SOX9: variants seen among roughly 807,000 people sequenced by gnomAD.
SOX9 encodes the protein transcription factor SOX-9.
Under a neutral mutation model 44.8 loss-of-function variants are expected in SOX9, and 2 were observed. The ratio of observed to expected loss-of-function variants is 0.04; its 90% CI spans 0.02 to 0.14. SOX9 has a LOEUF of 0.14. Ranked by LOEUF, SOX9 falls within the 10% of genes least tolerant of loss-of-function variation. The pLI is 1.00. For missense variants in SOX9, 583 were observed against 728.6 expected (o/e 0.80, Z 2.30); for synonymous variants, 381 against 331.8 (o/e 1.15, Z -1.61).
Position 72,122,958 on chromosome 17 carries a change from C to T in SOX9, c.671C>T (p.Pro224Leu), listed in dbSNP as rs1262569164. The change falls in exon 2 of 3, where the codon CCC becomes CTC. Residue 224 changes from proline (P) to leucine (L), a missense_variant. Pro to Leu is a moderately conservative substitution (Grantham distance 98, BLOSUM62 -3). Around this residue, in one of 7 missense-constraint regions of SOX9, gnomAD observed 88 missense variants for 65.5 expected, o/e 1.34. Coordinates refer to ENST00000245479, the MANE Select transcript of SOX9 (RefSeq NM_000346.4). ...TCCGGCATGAGCGAGGTGCACTCCC[C>T]CGGCGAGCACTCGGGTGAGTCGCCC... ...SSSGMSEVHSPGEHSGQSQGP... is the reference protein window; with the variant it reads ...SSSGMSEVHSLGEHSGQSQGP... 1.2e-6 allele frequency: 2 copies of T among 1,613,510 alleles called. No individual in the cohort carries two copies. The highest frequency in any genetic ancestry group is 1.7e-6 in the Non-Finnish European group (2 of 1,179,960).
At position 72,121,531 on chromosome 17, in the gene SOX9, G is replaced by T. The variant is rs752124347; in HGVS notation, c.140G>T (p.Arg47Leu). 30 of 1,608,556 alleles carry T rather than the reference G, an allele frequency of 1.9e-5. No individual in the cohort carries two copies. Among genetic ancestry groups the T allele is most frequent in the Non-Finnish European group, 2.2e-5 (26 of 1,178,228 alleles). The change falls in exon 1 of 3, where the codon CGG becomes CTG. Residue 47 changes from arginine to leucine, a missense_variant. Arg to Leu is a moderately radical substitution (Grantham distance 102). Coordinates refer to ENST00000245479, the MANE Select transcript of SOX9 (RefSeq NM_000346.4). This position sits in a 1 kb window ranked among gnomAD's most constrained non-coding sequence, Gnocchi z 8.3. ...SGSGSDTENT[R>L]PQENTFPKGE... ...TCCGGCTCGGACACCGAGAACACGC[G>T]GCCCCAGGAGAACACGTTCCCCAAG...
rs1433068827 is a variant in SOX9, at chr17:72,123,462, G to A, written c.686-81G>A. 58 of 1,585,998 alleles carry A rather than the reference G, an allele frequency of 3.7e-5. No individual in the cohort carries two copies. The highest frequency in any genetic ancestry group is 1.0e-4 in the South Asian group (9 of 90,446). On this transcript the variant is annotated intron_variant, in intron 2 of 2. Transcript: ENST00000245479. This position sits in a 1 kb window ranked among gnomAD's most constrained non-coding sequence, Gnocchi z 6.5. The stretch of plus-strand genomic sequence containing the variant: ...TTATTACACTTTAGCAGCGAGGGAG[G>A]GTCCCCGGAGGGTGCCTAAGACTAG...
At position 72,123,870 on chromosome 17, in the gene SOX9, AGCAGCAGGCGCCGCCGCCACCCCC is replaced by A; in HGVS notation, c.1021_1044del (p.Ala341_Gln348del). On this transcript the variant is annotated inframe_deletion, in exon 3 of 3. Coordinates refer to ENST00000245479, the MANE Select transcript of SOX9 (RefSeq NM_000346.4). The surrounding 1 kb of genome is among the most constrained non-coding windows in gnomAD (Gnocchi z 6.5). ...AGCGCGGGCCACGTGTGGATGTCCAAGCAGCAGGCGCCGCCGCCACCCCCGCAGCAGCCCCCACAGGCCCCGCCG... is the reference window on the plus strand; with the variant it reads ...AGCGCGGGCCACGTGTGGATGTCCAAGCAGCAGCCCCCACAGGCCCCGCCG... 6.5e-7 allele frequency: 1 copy of A among 1,544,592 alleles called. No homozygotes were observed.
At position 72,124,599 on chromosome 17, in the gene SOX9, G is replaced by A. The variant is rs1316012358; in HGVS notation, c.*212G>A. On this transcript the variant is annotated 3_prime_UTR_variant, in exon 3 of 3. Coordinates refer to ENST00000245479, the MANE Select transcript of SOX9 (RefSeq NM_000346.4). The surrounding 1 kb of genome is among the most constrained non-coding windows in gnomAD (Gnocchi z 4.6). ...AGACACAAACATGACCTATCCAAGC[G>A]CATTACCCACTTGTGGCCAATCAGT... 9.1e-6 allele frequency: 6 copies of A among 655,862 alleles called. No homozygotes were observed. The highest frequency in any genetic ancestry group is 1.6e-5 in the Non-Finnish European group (6 of 376,496). 40.6% of individuals were successfully genotyped at this position (655,862 alleles called of 1,614,324 possible).
At position 72,121,867 on chromosome 17, in the gene SOX9, G is replaced by T. The variant is rs1908105891; in HGVS notation, c.431+45G>T. 1.3e-6 allele frequency: 2 copies of T among 1,497,892 alleles called. No homozygotes were observed. The highest frequency in any genetic ancestry group is 1.4e-5 in the African/African-American group (1 of 71,778). 92.8% of individuals were successfully genotyped at this position (1,497,892 alleles called of 1,614,324 possible). A position where few individuals can be genotyped will look rare whatever the true frequency, so the allele number is the denominator to read the frequency against. Reference sequence around the variant, plus strand: ...GCGCGGCAGGGTGGGCATCGCGGCGGCTGGGGGCGCTGGTCAGGGCTGATT... The same window carrying T: ...GCGCGGCAGGGTGGGCATCGCGGCGTCTGGGGGCGCTGGTCAGGGCTGATT... On this transcript the variant is annotated intron_variant, in intron 1 of 2. Transcript: ENST00000245479. This position sits in a 1 kb window ranked among gnomAD's most constrained non-coding sequence, Gnocchi z 8.3.
rs567372129 is a variant in SOX9 at position 72,124,853 on chromosome 17, T to G, written c.*466T>G. 3.7e-6 allele frequency: 1 copy of G among 271,728 alleles called. No homozygotes were observed. The highest frequency in any genetic ancestry group is 2.2e-5 in the African/African-American group (1 of 46,318). 16.8% of individuals were successfully genotyped at this position (271,728 alleles called of 1,614,324 possible). ...TATTTTTAGTATGTACTGTGTATGA[T>G]TCATTACCATTTTGAGGGGATTTAT... On this transcript the variant is annotated 3_prime_UTR_variant, in exon 3 of 3. Transcript: ENST00000245479. The surrounding 1 kb of genome is among the most constrained non-coding windows in gnomAD (Gnocchi z 4.6).
rs1209520011 is a variant in SOX9, at chr17:72,121,961, G to A, written c.431+139G>A. On this transcript the variant is annotated intron_variant, in intron 1 of 2. Transcript: ENST00000245479. The surrounding 1 kb of genome is among the most constrained non-coding windows in gnomAD (Gnocchi z 8.3). ...AGCCGGCGGGATGGGGTTGGGAGTGGGAATGGGGTGTAACTGTGGCTCAGA... is the reference window on the plus strand; with the variant it reads ...AGCCGGCGGGATGGGGTTGGGAGTGAGAATGGGGTGTAACTGTGGCTCAGA... The A allele has an allele frequency of 1.9e-6, 2 of 1,060,492 alleles. No homozygotes were observed. The highest frequency in any genetic ancestry group is 2.6e-6 in the Non-Finnish European group (2 of 756,412). The allele number at this position is 1,060,492 out of a possible 1,614,324, so 65.7% of individuals were successfully genotyped here. A position where few individuals can be genotyped will look rare whatever the true frequency, so the allele number is the denominator to read the frequency against.
In SOX9 at chr17:72,123,707, T is replaced by C; in HGVS notation, c.850T>C (p.Ser284Pro). Reference sequence around the variant, plus strand: ...CGGCGAGCTGAGCAGCGACGTCATCTCCAACATCGAGACCTTCGATGTCAA... The same window carrying C: ...CGGCGAGCTGAGCAGCGACGTCATCCCCAACATCGAGACCTTCGATGTCAA... Reference protein sequence around the residue: ...DIGELSSDVISNIETFDVNEF... With the variant: ...DIGELSSDVIPNIETFDVNEF... Residue 284 changes from serine (S) to proline (P), a missense_variant, in exon 3 of 3, where the codon TCC (serine) becomes CCC (proline). This residue lies in a region of SOX9 where 349 missense variants were observed against 387.0 expected (regional missense o/e 0.90). Transcript: ENST00000245479. This position sits in a 1 kb window ranked among gnomAD's most constrained non-coding sequence, Gnocchi z 6.5. The C allele has an allele frequency of 2.5e-6, 4 of 1,613,842 alleles. No individual in the cohort carries two copies. The highest frequency in any genetic ancestry group is 3.4e-6 in the Non-Finnish European group (4 of 1,179,938).
rs2143258654 is a variant in SOX9, at chr17:72,124,335, A to G, written c.1478A>G (p.His493Arg). 1 of 1,602,562 alleles carries G rather than the reference A, an allele frequency of 6.2e-7. No individual in the cohort carries two copies. The highest frequency in any genetic ancestry group is 2.2e-5 in the East Asian group (1 of 44,844). Residue 493 changes from histidine to arginine, a missense_variant, in exon 3 of 3, where the codon CAC (histidine) becomes CGC (arginine). Transcript: ENST00000245479. This position sits in a 1 kb window ranked among gnomAD's most constrained non-coding sequence, Gnocchi z 4.6. The part of the protein sequence containing the change: ...TSGVPSIPQT[H>R]SPQHWEQPVY... Reference sequence around the variant, plus strand: ...GGGGTCCCTTCCATCCCGCAGACCCACAGCCCCCAGCACTGGGAACAACCC... The same window carrying G: ...GGGGTCCCTTCCATCCCGCAGACCCGCAGCCCCCAGCACTGGGAACAACCC...
Position 72,125,640 on chromosome 17 carries a change from T to TATG in SOX9, c.*1254_*1256dup, listed in dbSNP as rs139942297. On this transcript the variant is annotated 3_prime_UTR_variant, in exon 3 of 3. Transcript: ENST00000245479. ...AGGGTATGGTCATCTGTTGTTAAATTATGTTCTTAACTGTAACCAGTTTTT... is the reference window on the plus strand; with the variant it reads ...AGGGTATGGTCATCTGTTGTTAAATTATGATGTTCTTAACTGTAACCAGTTTTT... 28 of 228,370 alleles carry TATG rather than the reference T, an allele frequency of 1.2e-4. No individual in the cohort carries two copies. The East Asian group carries it at 1.7e-3, about 14-fold the overall frequency. 14.1% of individuals were successfully genotyped at this position (228,370 alleles called of 1,614,324 possible).
In SOX9 at chr17:72,124,305, C is replaced by A. The variant is rs769297621; in HGVS notation, c.1448C>A (p.Thr483Asn). ...QRPMYTPIAD[T>N]SGVPSIPQTH... ...CCCATGTACACCCCCATCGCCGACA[C>A]CTCTGGGGTCCCTTCCATCCCGCAG... The change falls in exon 3 of 3, where the codon ACC becomes AAC. Residue 483 changes from threonine (T) to asparagine (N), a missense_variant. Transcript: ENST00000245479. This position sits in a 1 kb window ranked among gnomAD's most constrained non-coding sequence, Gnocchi z 4.6. The A allele has an allele frequency of 6.2e-7, 1 of 1,607,428 alleles. No homozygotes were observed. The highest frequency in any genetic ancestry group is 8.5e-7 in the Non-Finnish European group (1 of 1,179,966).
In SOX9 at chr17:72,121,255, C is replaced by G. The variant is rs1908077087; in HGVS notation, c.-137C>G. 3.9e-6 allele frequency: 3 copies of G among 776,544 alleles called. No individual in the cohort carries two copies. The highest frequency in any genetic ancestry group is 3.7e-4 in the Middle Eastern group (1 of 2,694). 48.1% of individuals were successfully genotyped at this position (776,544 alleles called of 1,614,324 possible). A position where few individuals can be genotyped will look rare whatever the true frequency, so the allele number is the denominator to read the frequency against. ...CCTAAGTGCTCGCCGCGGTAGCCGG[C>G]CGACGCGCCAGCTTCCCCGGGAGCC... On this transcript the variant is annotated 5_prime_UTR_variant, in exon 1 of 3. Transcript: ENST00000245479. This position sits in a 1 kb window ranked among gnomAD's most constrained non-coding sequence, Gnocchi z 8.3.
chr17:72,123,080 G>T lies in SOX9; in HGVS notation c.685+108G>T. On this transcript the variant is annotated intron_variant, in intron 2 of 2. Transcript: ENST00000245479. The surrounding 1 kb of genome is among the most constrained non-coding windows in gnomAD (Gnocchi z 6.5). ...GTGGGGACTTTATGCTTCCCGGGAG[G>T]GACACACTGCCCTTTGCGCCCGTCC... The T allele has an allele frequency of 7.1e-7, 1 of 1,413,362 alleles. No individual in the cohort carries two copies. The highest frequency in any genetic ancestry group is 9.7e-7 in the Non-Finnish European group (1 of 1,025,988). The allele number at this position is 1,413,362 out of a possible 1,614,324, so 87.6% of individuals were successfully genotyped here. A position where few individuals can be genotyped will look rare whatever the true frequency, so the allele number is the denominator to read the frequency against.
intron 1 of SOX9, among the ~76,000 whole-genome samples, chr17:72,122,027 AG>A (rs1451071283): frequency 6.6e-6 from 1 of 151,948 alleles, no homozygotes; most frequent in Non-Finnish European, 1.5e-5. Flanking sequence ...GACGCGGAGG[AG>A]GGGGGTGGTA....
chr17:72,122,421 T>C (rs896018525), intron 1 of SOX9, among the ~76,000 whole-genome samples: 1 of 111,864 alleles, frequency 8.9e-6, no homozygotes, highest in Admixed American at 1.3e-4. Flanking sequence ...CAAAGGCGTT[T>C]AGGGGGCAGC....
In SOX9 at chr17:72,123,552, A is replaced by T. The variant is rs2143250085; in HGVS notation, c.695A>T (p.Gln232Leu). 17 of 1,613,976 alleles carry T rather than the reference A, an allele frequency of 1.1e-5. No individual in the cohort carries two copies. The highest frequency in any genetic ancestry group is 1.4e-5 in the Non-Finnish European group (17 of 1,179,950). ...CTTTTATTGTCCACAGGGCAATCCC[A>T]GGGCCCACCGACCCCACCCACCACC... is the stretch of plus-strand genomic sequence containing the variant. ...HSPGEHSGQS[Q>L]GPPTPPTTPK... The change falls in exon 3 of 3, where the codon CAG (glutamine) becomes CTG (leucine). Residue 232 changes from glutamine to leucine, a missense_variant. Gln to Leu is a moderately radical substitution (Grantham distance 113). Around this residue, in one of 7 missense-constraint regions of SOX9, gnomAD observed 5 missense variants for 22.4 expected, o/e 0.22. Transcript: ENST00000245479. This position sits in a 1 kb window ranked among gnomAD's most constrained non-coding sequence, Gnocchi z 6.5.
chr17:72,122,130 G>A (rs1304466411), intron 1 of SOX9, among the ~76,000 whole-genome samples: 1 of 152,198 alleles, frequency 6.6e-6, no homozygotes, highest in South Asian at 2.1e-4. Flanking sequence ...CAGTCGCCTG[G>A]AAGCTCAATC....
At position 72,125,542 on chromosome 17, in the gene SOX9, C is replaced by CA. The variant is rs886053360; in HGVS notation, c.*1164dup. On this transcript the variant is annotated 3_prime_UTR_variant, in exon 3 of 3. Transcript: ENST00000245479. ...TTGTAAGGAGAGGTTTTAATTAAAACAAAAAAAAATTCTTTTTTTTTTTTT... is the reference window on the plus strand; with the variant it reads ...TTGTAAGGAGAGGTTTTAATTAAAACAAAAAAAAAATTCTTTTTTTTTTTTT... The CA allele has an allele frequency of 5.6e-4, 107 of 191,186 alleles. No homozygotes were observed. The highest frequency in any genetic ancestry group is 3.3e-3 in the East Asian group (44 of 13,248). 11.8% of individuals were successfully genotyped at this position (191,186 alleles called of 1,614,324 possible).
chr17:72,124,489 G>T lies in SOX9; in HGVS notation c.*102G>T. 7.0e-7 allele frequency: 1 copy of T among 1,433,012 alleles called. No individual in the cohort carries two copies. Among genetic ancestry groups the T allele is most frequent in the Non-Finnish European group, 9.7e-7 (1 of 1,035,000 alleles). 88.8% of individuals were successfully genotyped at this position (1,433,012 alleles called of 1,614,324 possible). A position where few individuals can be genotyped will look rare whatever the true frequency, so the allele number is the denominator to read the frequency against. On this transcript the variant is annotated 3_prime_UTR_variant, in exon 3 of 3. Transcript: ENST00000245479. This position sits in a 1 kb window ranked among gnomAD's most constrained non-coding sequence, Gnocchi z 4.6. The stretch of plus-strand genomic sequence containing the variant: ...TCCCTTTGGACATTTGTGTTTTTTT[G>T]TTTTTTTATTTTGTTTTGTTTTTTC...
Sources: gnomAD v4.1 joint callset for allele counts (sites outside exome capture counted in the v4.1 genomes callset) on GRCh38, gnomAD v4.1.1 for gene constraint, gnomAD v4.1.1 regional missense constraint, Gnocchi (gnomAD v3.1) non-coding constraint, MANE v1.5 for transcripts, NCBI Gene and HGNC (gene_info 2026-07-23, HGNC 2026-07-21) for gene names.